The following MLIP variants were observed in gnomAD, a reference collection of about 807,000 sequenced individuals.
The protein encoded by MLIP is muscular LMNA interacting protein.
MLIP carries 79 observed loss-of-function variants against 84.8 expected under a neutral mutation model. The observed-to-expected ratio is 0.93, with a 90% CI of 0.78 to 1.12. The LOEUF (loss-of-function observed/expected upper bound fraction) is 1.12. Among genes scored for constraint, MLIP ranks in the 50% most tolerant of loss-of-function variants. The probability of loss-of-function intolerance (pLI) is 0.00; values close to 1 mark genes in which losing one functional copy is unlikely to be tolerated. For synonymous variants in MLIP, 504 were observed against 463.0 expected, an observed-to-expected ratio of 1.09 and a Z score of -1.14; for missense variants, 1,257 against 1,160.6, an observed-to-expected ratio of 1.08 and a Z score of -1.21.
intron 1 of MLIP, among the ~76,000 whole-genome samples, chr6:54,094,658 G>A (rs972525080): frequency 6.6e-6 from 1 of 150,568 alleles, no homozygotes; most frequent in Non-Finnish European, 1.5e-5. Context: ...CATAATTTCT[G>A]TGCTACACTA....
intron 4 of MLIP, among the ~76,000 whole-genome samples, chr6:54,147,658 A>C (rs1772998532): frequency 6.6e-6 from 1 of 152,022 alleles, no homozygotes; most frequent in Non-Finnish European, 1.5e-5. Context: ...GCAGCTTCGG[A>C]GCTCTTGTGC....
intron 12 of MLIP, among the ~76,000 whole-genome samples, chr6:54,253,046 C>G (rs1782750171): frequency 1.3e-5 from 2 of 152,062 alleles, no homozygotes; most frequent in South Asian, 4.1e-4. Context: ...TTAATTTATT[C>G]ATTCAGTGTC....
intron 11 of MLIP, among the ~76,000 whole-genome samples, chr6:54,206,437 G>C (rs779471799): frequency 4.0e-5 from 6 of 151,662 alleles, no homozygotes; most frequent in Non-Finnish European, 5.9e-5. Context: ...CCGTTTGTGA[G>C]AAATAACACT....
At chr6:54,037,441 T>C (rs1205920402) in intron 1 of MLIP, among the ~76,000 whole-genome samples, 1 of 151,128 alleles carries the variant, frequency 6.6e-6, no homozygotes, top group African/African-American at 2.4e-5. Context: ...GTATGTGTGT[T>C]AGTGTGTGTG....
intron 12 of MLIP, among the ~76,000 whole-genome samples, chr6:54,234,750 G>C (rs933369908): frequency 6.6e-6 from 1 of 152,070 alleles, no homozygotes. Flanking sequence ...ATTTCCTCTT[G>C]CATTTCTCTC....
At chr6:54,062,969 G>A (rs190862957) in intron 1 of MLIP, among the ~76,000 whole-genome samples, 182 of 152,108 alleles carry the variant, frequency 1.2e-3, no homozygotes, top group African/African-American at 3.5e-3. Flanking sequence ...TTGGGAGGCC[G>A]AGGCGGGTGG....
chr6:54,255,604 C>T (rs950133809), intron 12 of MLIP, among the ~76,000 whole-genome samples: 1 of 152,080 alleles, frequency 6.6e-6, no homozygotes, highest in Non-Finnish European at 1.5e-5. Context: ...ATTTTCTGTT[C>T]TCTTTCATTG....
At chr6:54,100,109 C>T (rs529376893) in intron 1 of MLIP, among the ~76,000 whole-genome samples, 1 of 152,252 alleles carries the variant, frequency 6.6e-6, no homozygotes, top group African/African-American at 2.4e-5. Flanking sequence ...ACAATAATAA[C>T]TAATCTCTTT....
intron 1 of MLIP, among the ~76,000 whole-genome samples, chr6:54,115,310 G>A (rs1472568860): frequency 2.0e-5 from 3 of 152,092 alleles, no homozygotes; most frequent in Non-Finnish European, 2.9e-5. Context: ...GGGATTTGAG[G>A]GGTATCCAAA....
chr6:54,217,075 T>C (rs958061836), intron 11 of MLIP: 5 of 985,276 alleles, frequency 5.1e-6, no homozygotes, highest in Non-Finnish European at 6.0e-6. Flanking sequence ...TAAAAATAAA[T>C]GTTGCTTTAC....
At chr6:54,030,788 G>C (rs1453165317) in intron 1 of MLIP, 1 of 152,026 alleles carries the variant, frequency 6.6e-6, no homozygotes, top group African/African-American at 2.4e-5. Flanking sequence ...TATGTATGGA[G>C]ACCTTAATTA....
intron 1 of MLIP, among the ~76,000 whole-genome samples, chr6:54,072,777 T>G (rs1468690933): frequency 6.6e-6 from 1 of 152,202 alleles, no homozygotes; most frequent in Non-Finnish European, 1.5e-5. Context: ...TATCCTTCCG[T>G]CTGTGAATAT....
At chr6:54,156,210 A>G (rs1328316486) in intron 5 of MLIP, among the ~76,000 whole-genome samples, 1 of 152,106 alleles carries the variant, frequency 6.6e-6, no homozygotes, top group Middle Eastern at 3.2e-3. Context: ...ACATCTGACA[A>G]GTAACGCACA....
chr6:54,202,865 C>T (rs905099603), intron 11 of MLIP, among the ~76,000 whole-genome samples: 1 of 152,186 alleles, frequency 6.6e-6, no homozygotes, highest in Non-Finnish European at 1.5e-5. Context: ...TGCCACTGCA[C>T]TCCAGCCTGG....
At position 54,137,564 on chromosome 6, in the gene MLIP, T is replaced by A; in HGVS notation, c.1495T>A (p.Ser499Thr). The change falls in exon 4 of 14, where the codon TCT becomes ACT. Residue 499 changes from serine to threonine, a missense_variant. Transcript: ENST00000502396. ...QSFHLPVFTKSTPLSQAPSLS... is the reference protein window; with the variant it reads ...QSFHLPVFTKTTPLSQAPSLS... ...TTTTCACCTGCCTGTTTTCACCAAG[T>A]CTACTCCGCTTTCTCAGGCGCCCTC... 6.5e-7 allele frequency: 1 copy of A among 1,536,090 alleles called. No homozygotes were observed. The highest frequency in any genetic ancestry group is 8.7e-7 in the Non-Finnish European group (1 of 1,146,894).
chr6:54,216,705 T>A (rs1250855852), intron 11 of MLIP: 71 of 985,274 alleles, frequency 7.2e-5, no homozygotes, highest in Non-Finnish European at 7.5e-5. Flanking sequence ...ATTCAAAATA[T>A]ATGTGTTGCT....
chr6:54,114,706 T>C (rs1412304440), intron 1 of MLIP, among the ~76,000 whole-genome samples: 1 of 152,228 alleles, frequency 6.6e-6, no homozygotes, highest in Non-Finnish European at 1.5e-5. Flanking sequence ...TTCCCTCCAC[T>C]AGAATATAAA....
At chr6:54,160,322 G>C (rs1774483842) in intron 5 of MLIP, 45 bp from the exon 6 acceptor site, 1 of 1,479,496 alleles carries the variant, frequency 6.8e-7, no homozygotes, top group East Asian at 2.3e-5. Context: ...TACTCCAGTT[G>C]TATGACTAGA....
intron 9 of MLIP, among the ~76,000 whole-genome samples, chr6:54,172,733 A>C (rs1775896262): frequency 6.6e-6 from 1 of 151,536 alleles, no homozygotes; most frequent in Admixed American, 6.6e-5. Context: ...AAAATAAACA[A>C]AGAAAATCAA....
Sources: allele counts gnomAD v4.1 joint callset (sites outside exome capture counted in the v4.1 genomes callset), GRCh38; gene constraint gnomAD v4.1.1; transcripts MANE v1.5; gene names NCBI Gene and HGNC (gene_info 2026-07-23, HGNC 2026-07-21).